NOX3: variants seen among roughly 807,000 people sequenced by gnomAD.
NOX3 encodes NADPH oxidase 3.
Under a neutral mutation model 76.7 loss-of-function variants are expected in NOX3, and 74 were observed. The ratio of observed to expected loss-of-function variants is 0.96; its 90% CI spans 0.80 to 1.17. The LOEUF (loss-of-function observed/expected upper bound fraction) is 1.17, where lower values mean the gene tolerates loss of function less well. Among genes scored for constraint, NOX3 ranks in the 50% most tolerant of loss-of-function variants. The pLI is 0.00. For missense variants in NOX3, 695 were observed against 703.3 expected (o/e 0.99, Z 0.13); for synonymous variants, 263 against 261.1 (o/e 1.01, Z -0.07).
At chr6:155,410,886 C>T (rs1175374335) in intron 11 of NOX3, among the ~76,000 whole-genome samples, 1 of 152,222 alleles carries the variant, frequency 6.6e-6, no homozygotes, top group Non-Finnish European at 1.5e-5. Flanking sequence ...CAAGATGATA[C>T]AGCCAATCAG....
At chr6:155,402,916 C>G (rs1363933866) in intron 12 of NOX3, among the ~76,000 whole-genome samples, 2 of 152,174 alleles carry the variant, frequency 1.3e-5, no homozygotes, top group East Asian at 3.8e-4. Flanking sequence ...CCCATCTTTG[C>G]CAAAAGATAT....
chr6:155,436,337 T>A, intron 7 of NOX3, 81 bp downstream of exon 7: 2 of 1,521,536 alleles, frequency 1.3e-6, no homozygotes, highest in Middle Eastern at 3.4e-4. Flanking sequence ...GAAATGTGCT[T>A]TCTTTTTTCC....
At chr6:155,399,303 C>T (rs1779180102) in intron 12 of NOX3, among the ~76,000 whole-genome samples, 1 of 152,178 alleles carries the variant, frequency 6.6e-6, no homozygotes, top group Non-Finnish European at 1.5e-5. Flanking sequence ...AACTGCAGAC[C>T]TGATGGTGCC....
Position 155,428,786 on chromosome 6 carries a change from GCACGAA to G in NOX3, c.1145+2_1145+7del. ...TGCAATTTATACATGAGAGAAATGG[GCACGAA>G]CCTTGGCAGGCTCCAGGGCTCCTGG... On this transcript the variant is annotated splice_donor_variant and splice_donor_5th_base_variant and intron_variant, in intron 9 of 13. Transcript: ENST00000159060. LOFTEE classifies it high-confidence loss of function. 1 of 1,477,846 alleles carries G rather than the reference GCACGAA, an allele frequency of 6.8e-7. No individual in the cohort carries two copies. Among genetic ancestry groups the G allele is most frequent in the Non-Finnish European group, 9.0e-7 (1 of 1,110,172 alleles). The allele number at this position is 1,477,846 out of a possible 1,614,324, so 91.5% of individuals were successfully genotyped here.
intron 12 of NOX3, among the ~76,000 whole-genome samples, chr6:155,403,682 A>G (rs1779263965): frequency 1.3e-5 from 2 of 152,198 alleles, no homozygotes; most frequent in South Asian, 4.1e-4. Flanking sequence ...TGATGGTAAT[A>G]CAGTTTTGCC....
chr6:155,398,361 T>G (rs969133022), intron 12 of NOX3, among the ~76,000 whole-genome samples: 28 of 152,222 alleles, frequency 1.8e-4, no homozygotes, highest in African/African-American at 5.1e-4. Flanking sequence ...ATACCATCTC[T>G]GTTTCTTCAG....
intron 4 of NOX3, among the ~76,000 whole-genome samples, chr6:155,451,519 G>A (rs1777139653): frequency 1.3e-5 from 2 of 152,126 alleles, no homozygotes; most frequent in Admixed American, 1.3e-4. Context: ...TAATGCATTG[G>A]TATTATTGAT....
At chr6:155,431,411 G>GAA (rs1169713403) in intron 7 of NOX3, among the ~76,000 whole-genome samples, 10 of 52,806 alleles carry the variant, frequency 1.9e-4, no homozygotes, top group African/African-American at 6.5e-4. Flanking sequence ...AATAAACACA[G>GAA]AAACACACAC....
intron 9 of NOX3, among the ~76,000 whole-genome samples, chr6:155,427,556 A>G (rs1050781595): frequency 7.2e-5 from 11 of 152,360 alleles, no homozygotes; most frequent in Non-Finnish European, 1.6e-4. Context: ...TCCTGCCCTC[A>G]GGAACTTCCA....
chr6:155,416,967 T>A (rs1323370707), intron 10 of NOX3, among the ~76,000 whole-genome samples: 1 of 152,020 alleles, frequency 6.6e-6, no homozygotes, highest in Non-Finnish European at 1.5e-5. Context: ...GTCAGGCTGG[T>A]CTCCAACTCC....
intron 10 of NOX3, among the ~76,000 whole-genome samples, chr6:155,419,935 T>C: frequency 6.6e-6 from 1 of 152,124 alleles, no homozygotes; most frequent in South Asian, 2.1e-4. Context: ...ACAGAAGCCA[T>C]TGTTTATTCT....
chr6:155,455,636 TAG>T, intron 1 of NOX3, 115 bp downstream of exon 1: 1 of 683,716 alleles, frequency 1.5e-6, no homozygotes. Flanking sequence ...TAACAAGTTT[TAG>T]TCTTTTAACT....
intron 5 of NOX3, 61 bp from the exon 6 acceptor site, chr6:155,440,198 T>C: frequency 7.5e-7 from 1 of 1,333,562 alleles, no homozygotes; most frequent in African/African-American, 1.5e-5. Flanking sequence ...TGACATTAAA[T>C]ATCCTGGCAT....
At chr6:155,399,641 A>G (rs1214338508) in intron 12 of NOX3, among the ~76,000 whole-genome samples, 1 of 152,064 alleles carries the variant, frequency 6.6e-6, no homozygotes, top group Non-Finnish European at 1.5e-5. Context: ...GACTCCAAGT[A>G]TGGAGAACTT....
intron 4 of NOX3, among the ~76,000 whole-genome samples, chr6:155,447,555 G>A (rs1049257272): frequency 6.6e-6 from 1 of 152,184 alleles, no homozygotes; most frequent in Non-Finnish European, 1.5e-5. Flanking sequence ...GCCCCAGATG[G>A]TTTTCAAGAG....
At chr6:155,433,072 T>C (rs137866302) in intron 7 of NOX3, among the ~76,000 whole-genome samples, 1 of 152,206 alleles carries the variant, frequency 6.6e-6, no homozygotes, top group African/African-American at 2.4e-5. Flanking sequence ...TTTTAGAGAG[T>C]TTGGGGCATC....
intron 12 of NOX3, among the ~76,000 whole-genome samples, chr6:155,406,589 T>C (rs1216919057): frequency 1.3e-5 from 2 of 152,198 alleles, no homozygotes; most frequent in Non-Finnish European, 2.9e-5. Context: ...CCTTGCAGAC[T>C]CTTAGGAGGA....
At chr6:155,424,590 T>C (rs962308955) in intron 9 of NOX3, among the ~76,000 whole-genome samples, 7 of 152,250 alleles carry the variant, frequency 4.6e-5, no homozygotes. Flanking sequence ...GGGTTTATTT[T>C]AAATTATTCT....
chr6:155,424,577 A>G (rs112072494), intron 9 of NOX3, among the ~76,000 whole-genome samples: 5 of 152,382 alleles, frequency 3.3e-5, no homozygotes, highest in South Asian at 2.1e-4. Context: ...TGAAAGTTCA[A>G]TTGGGTTTAT....
Sources: allele counts gnomAD v4.1 joint callset (sites outside exome capture counted in the v4.1 genomes callset), GRCh38; gene constraint gnomAD v4.1.1; transcripts MANE v1.5; gene names NCBI Gene and HGNC (gene_info 2026-07-23, HGNC 2026-07-21).